Variants in EPHA5 observed in about 807,000 individuals in gnomAD.
EPHA5 encodes EPH receptor A5, also known as ephrin type-A receptor 5.
A neutral mutation model predicts 105.0 loss-of-function variants in EPHA5; 60 were observed. That is an observed-to-expected ratio of 0.57 (90% CI 0.46 to 0.71). The LOEUF (loss-of-function observed/expected upper bound fraction) is 0.71. EPHA5 is among the 30% of genes least tolerant of loss of function. EPHA5 has a pLI of 0.00. For missense variants in EPHA5, 1,218 were observed against 1,274.7 expected, an observed-to-expected ratio of 0.96 and a Z score of 0.68; for synonymous variants, 513 against 449.1, an observed-to-expected ratio of 1.14 and a Z score of -1.80.
intron 3 of EPHA5, among the ~76,000 whole-genome samples, chr4:65,573,255 C>CA (rs762078781): frequency 6.6e-6 from 1 of 150,456 alleles, no homozygotes; most frequent in African/African-American, 2.4e-5. Context: ...ACTAAAAACA[C>CA]AAAAAATTAG....
chr4:65,351,348 C>A (rs1263508200), intron 13 of EPHA5, 41 bp downstream of exon 13: 4 of 1,543,846 alleles, frequency 2.6e-6, no homozygotes, highest in South Asian at 1.2e-5. Flanking sequence ...AAATAAATGG[C>A]TCTGGTCTAG....
chr4:65,623,287 C>T (rs1276194076), intron 2 of EPHA5, among the ~76,000 whole-genome samples: 1 of 152,008 alleles, frequency 6.6e-6, no homozygotes, highest in Non-Finnish European at 1.5e-5. Context: ...GCCTGTAATT[C>T]TTTTGTAACA....
chr4:65,534,241 T>C (rs1196551502), intron 3 of EPHA5, among the ~76,000 whole-genome samples: 1 of 152,144 alleles, frequency 6.6e-6, no homozygotes, highest in East Asian at 1.9e-4. Flanking sequence ...TTTACACTTA[T>C]AAACTTTTAA....
intron 3 of EPHA5, chr4:65,573,432 A>AAAAGAAGC: frequency 9.2e-7 from 1 of 1,084,038 alleles, no homozygotes; most frequent in Non-Finnish European, 1.3e-6. Context: ...AAAAAAAAAA[A>AAAAGAAGC]AAAGAAGCTC....
chr4:65,327,403 C>T (rs1390947245), intron 16 of EPHA5, among the ~76,000 whole-genome samples: 2 of 151,220 alleles, frequency 1.3e-5, no homozygotes, highest in African/African-American at 4.8e-5. Context: ...TTTTACTTCT[C>T]TCTTGCCTTT....
At chr4:65,494,407 T>C (rs1345674642) in intron 4 of EPHA5, among the ~76,000 whole-genome samples, 1 of 152,144 alleles carries the variant, frequency 6.6e-6, no homozygotes, top group African/African-American at 2.4e-5. Flanking sequence ...GGACCTAAAA[T>C]AGTAAATCCA....
chr4:65,383,117 T>C (rs1405899753), intron 8 of EPHA5, among the ~76,000 whole-genome samples: 1 of 150,036 alleles, frequency 6.7e-6, no homozygotes, highest in Admixed American at 6.7e-5. Flanking sequence ...ATTAAAAACA[T>C]ATATATCAGA....
chr4:65,399,760 A>G (rs1369198239), intron 8 of EPHA5, among the ~76,000 whole-genome samples: 1 of 152,244 alleles, frequency 6.6e-6, no homozygotes, highest in African/African-American at 2.4e-5. Context: ...GAAGCTCTGC[A>G]TGCTTGAAAT....
intron 13 of EPHA5, 69 bp from the exon 14 acceptor site, chr4:65,348,272 C>T: frequency 7.2e-7 from 1 of 1,380,938 alleles, no homozygotes; most frequent in Non-Finnish European, 9.9e-7. Context: ...TGTTGCCTCA[C>T]TGAAAAGATC....
intron 10 of EPHA5, among the ~76,000 whole-genome samples, chr4:65,365,462 C>A (rs1717779995): frequency 6.6e-6 from 1 of 150,538 alleles, no homozygotes. Context: ...ATCTCACTTA[C>A]AAAAACCTTT....
intron 5 of EPHA5, among the ~76,000 whole-genome samples, chr4:65,481,874 T>G (rs1298087462): frequency 1.3e-5 from 2 of 152,198 alleles, no homozygotes; most frequent in Non-Finnish European, 2.9e-5. Context: ...TTCAATTAGT[T>G]GACCAAAATC....
intron 3 of EPHA5, among the ~76,000 whole-genome samples, chr4:65,584,784 T>A (rs752676942): frequency 1.7e-4 from 26 of 151,996 alleles, no homozygotes; most frequent in Non-Finnish European, 3.4e-4. Flanking sequence ...TAAGTGTTCT[T>A]GAGATTTTTA....
chr4:65,406,017 T>C (rs1396213184), intron 7 of EPHA5, among the ~76,000 whole-genome samples: 1 of 152,130 alleles, frequency 6.6e-6, no homozygotes, highest in African/African-American at 2.4e-5. Context: ...AATTCTCTAA[T>C]TAATTTCCTA....
intron 6 of EPHA5, among the ~76,000 whole-genome samples, chr4:65,417,263 C>T (rs1171146045): frequency 3.3e-5 from 5 of 152,254 alleles, no homozygotes; most frequent in African/African-American, 9.6e-5. Context: ...AGCTCTGCCA[C>T]CTGTGTCTGG....
intron 5 of EPHA5, among the ~76,000 whole-genome samples, chr4:65,486,687 A>C (rs905290521): frequency 6.6e-6 from 1 of 152,254 alleles, no homozygotes; most frequent in Non-Finnish European, 1.5e-5. Flanking sequence ...AGGCATTAAA[A>C]ACTACTACAA....
intron 8 of EPHA5, among the ~76,000 whole-genome samples, chr4:65,390,563 A>T (rs2148954436): frequency 6.6e-6 from 1 of 152,088 alleles, no homozygotes; most frequent in African/African-American, 2.4e-5. Flanking sequence ...CTTACTAACC[A>T]TCAGTTAGAT....
chr4:65,625,736 A>T (rs1006302655), intron 2 of EPHA5, among the ~76,000 whole-genome samples: 9 of 152,250 alleles, frequency 5.9e-5, no homozygotes, highest in African/African-American at 1.7e-4. Flanking sequence ...TAAATAAAAT[A>T]AATTTTGGCA....
intron 6 of EPHA5, among the ~76,000 whole-genome samples, chr4:65,417,011 A>G (rs1370593296): frequency 6.6e-6 from 1 of 152,256 alleles, no homozygotes; most frequent in Non-Finnish European, 1.5e-5. Flanking sequence ...CCAGCTGAGC[A>G]AATGAGCTAC....
chr4:65,378,272 G>C (rs1377270286), intron 8 of EPHA5, among the ~76,000 whole-genome samples: 1 of 151,686 alleles, frequency 6.6e-6, no homozygotes, highest in Non-Finnish European at 1.5e-5. Context: ...TTTCCAATTT[G>C]TCTATTTATT....
Sources: gnomAD v4.1 joint callset for allele counts (sites outside exome capture counted in the v4.1 genomes callset) on GRCh38, gnomAD v4.1.1 for gene constraint, MANE v1.5 for transcripts, NCBI Gene and HGNC (gene_info 2026-07-23, HGNC 2026-07-21) for gene names.